SDCCAG8: variants seen among roughly 807,000 people sequenced by gnomAD.
The protein encoded by SDCCAG8 is SHH signaling and ciliogenesis regulator SDCCAG8.
In SDCCAG8, 74 loss-of-function variants were observed where a neutral mutation model predicts 101.8. That is an observed-to-expected ratio of 0.73 (90% CI 0.60 to 0.88). The LOEUF (loss-of-function observed/expected upper bound fraction) is 0.88. Among genes scored for constraint, SDCCAG8 ranks in the 40% least tolerant of loss-of-function variants. SDCCAG8 has a pLI of 0.00. For synonymous variants in SDCCAG8, 281 were observed against 292.9 expected (o/e 0.96, Z 0.41); for missense variants, 787 against 822.6 (o/e 0.96, Z 0.53).
At chr1:243,479,501 T>C (rs1663069939) in intron 16 of SDCCAG8, among the ~76,000 whole-genome samples, 1 of 152,260 alleles carries the variant, frequency 6.6e-6, no homozygotes, top group East Asian at 1.9e-4. Flanking sequence ...CGCTGCAAGT[T>C]GAATTTCATG....
intron 16 of SDCCAG8, among the ~76,000 whole-genome samples, chr1:243,434,463 T>C (rs2082006661): frequency 6.6e-6 from 1 of 152,252 alleles, no homozygotes; most frequent in African/African-American, 2.4e-5. Context: ...GAGATGTATA[T>C]GTTGCTAGAA....
chr1:243,425,947 G>A (rs762892555), intron 15 of SDCCAG8, among the ~76,000 whole-genome samples: 3 of 152,304 alleles, frequency 2.0e-5, no homozygotes, highest in East Asian at 1.9e-4. Context: ...CTGGCCAAAT[G>A]TCTGGGCACC....
rs1007802384 is a variant in SDCCAG8 at position 243,417,975 on chromosome 1, A to G, written c.1752A>G (p.Glu584=). The change falls in exon 15 of 18, where the codon GAA becomes GAG. Residue 584 remains glutamate (E), a synonymous_variant. Coordinates refer to ENST00000366541, the MANE Select transcript of SDCCAG8 (RefSeq NM_006642.5). ...GTTTATTGTTATTTCTAGAAAATGA[A>G]CAGTATTTGTTGCTGACCTCCCAGA... ...MEAQHDKTEN[E]QYLLLTSQNT... 4.9e-5 allele frequency: 78 copies of G among 1,606,338 alleles called. No individual in the cohort carries two copies. The highest frequency in any genetic ancestry group is 6.1e-5 in the Non-Finnish European group (71 of 1,173,266).
In SDCCAG8 at chr1:243,470,077, A is replaced by G. The variant is rs80180786; in HGVS notation, c.1986-18937A>G. Among the ~76,000 whole-genome samples, 67 of 152,214 alleles carry G rather than the reference A, an allele frequency of 4.4e-4. 1 individual carries two copies. The East Asian group carries it at 0.013, about 29-fold the overall frequency. On this transcript the variant is annotated intron_variant, in intron 16 of 17. Transcript: ENST00000366541. Reference sequence around the variant, plus strand: ...CATAGTTCCACACACAAGAAAAACCATGTCTGGTTAACAACACAAGGTCTA... The same window carrying G: ...CATAGTTCCACACACAAGAAAAACCGTGTCTGGTTAACAACACAAGGTCTA...
chr1:243,413,449 G>A (rs1283746050), intron 13 of SDCCAG8, among the ~76,000 whole-genome samples: 3 of 152,106 alleles, frequency 2.0e-5, no homozygotes, highest in Admixed American at 2.0e-4. Context: ...TAAGTGATCT[G>A]CCCACCTTGG....
At chr1:243,296,776 G>A (rs551687698) in intron 6 of SDCCAG8, among the ~76,000 whole-genome samples, 2 of 151,016 alleles carry the variant, frequency 1.3e-5, no homozygotes, top group East Asian at 2.0e-4. Flanking sequence ...CTCGTGATCC[G>A]CCCGCCTCGG....
chr1:243,260,321 A>G (rs1036120923), intron 1 of SDCCAG8, among the ~76,000 whole-genome samples: 3 of 152,216 alleles, frequency 2.0e-5, no homozygotes, highest in Non-Finnish European at 4.4e-5. Flanking sequence ...CTTGGCAGTA[A>G]GGTTAGGTGT....
At chr1:243,349,755 A>T (rs551219754) in intron 12 of SDCCAG8, among the ~76,000 whole-genome samples, 1 of 151,862 alleles carries the variant, frequency 6.6e-6, no homozygotes, top group East Asian at 1.9e-4. Context: ...GTATGATTTT[A>T]TATTTACAAT....
At chr1:243,366,783 G>T (rs1397714854) in intron 12 of SDCCAG8, among the ~76,000 whole-genome samples, 1 of 151,988 alleles carries the variant, frequency 6.6e-6, no homozygotes, top group Non-Finnish European at 1.5e-5. Context: ...AGTGAAGAGT[G>T]AAATAGCTTG....
chr1:243,303,962 A>G (rs2071816854), intron 6 of SDCCAG8, among the ~76,000 whole-genome samples: 1 of 152,158 alleles, frequency 6.6e-6, no homozygotes, highest in Admixed American at 6.5e-5. Context: ...AATCCCAGCT[A>G]CTTGGGTGGC....
intron 4 of SDCCAG8, among the ~76,000 whole-genome samples, chr1:243,280,674 A>T (rs2068953462): frequency 6.6e-6 from 1 of 152,000 alleles, no homozygotes; most frequent in Non-Finnish European, 1.5e-5. Context: ...TACTTCTTTG[A>T]TTCATGTGTG....
chr1:243,313,139 C>T (rs79666393), intron 8 of SDCCAG8, among the ~76,000 whole-genome samples: 6,713 of 152,228 alleles, frequency 0.044, 290 homozygotes, highest in African/African-American at 0.12. Flanking sequence ...GGATCATTGG[C>T]CTGCTCTGCA....
intron 9 of SDCCAG8, among the ~76,000 whole-genome samples, chr1:243,325,012 C>T (rs564399584): frequency 7.2e-5 from 11 of 152,330 alleles, no homozygotes; most frequent in Non-Finnish European, 1.5e-4. Flanking sequence ...TCCCCAGCCC[C>T]TTCTTGTTTG....
intron 8 of SDCCAG8, among the ~76,000 whole-genome samples, chr1:243,314,313 A>G (rs1203924700): frequency 1.3e-5 from 2 of 152,198 alleles, no homozygotes; most frequent in African/African-American, 4.8e-5. Flanking sequence ...AGACATCTGT[A>G]TATTGGAGTT....
intron 8 of SDCCAG8, among the ~76,000 whole-genome samples, chr1:243,308,748 T>G (rs759732961): frequency 1.3e-5 from 2 of 152,374 alleles, no homozygotes; most frequent in African/African-American, 4.8e-5. Context: ...GAAACAATTC[T>G]CTTCGTACAT....
chr1:243,473,557 A>G (rs1661666549), intron 16 of SDCCAG8, among the ~76,000 whole-genome samples: 1 of 152,170 alleles, frequency 6.6e-6, no homozygotes, highest in Admixed American at 6.5e-5. Flanking sequence ...AGTGTTTCTG[A>G]AGGAAAGAGT....
At chr1:243,361,483 A>G (rs780380629) in intron 12 of SDCCAG8, among the ~76,000 whole-genome samples, 71 of 152,346 alleles carry the variant, frequency 4.7e-4, no homozygotes, top group Non-Finnish European at 8.1e-4. Context: ...CCATTTAGCA[A>G]TTTGGAATGG....
chr1:243,470,481 C>CTT (rs374087282), intron 16 of SDCCAG8, among the ~76,000 whole-genome samples: 3 of 144,580 alleles, frequency 2.1e-5, no homozygotes, highest in Non-Finnish European at 3.1e-5. Flanking sequence ...TTTCCTTTTC[C>CTT]TTTTTTTTTT....
intron 10 of SDCCAG8, 71 bp downstream of exon 10, chr1:243,330,763 A>C: frequency 6.8e-7 from 1 of 1,475,738 alleles, no homozygotes; most frequent in Non-Finnish European, 9.4e-7. Flanking sequence ...ATGATTCCAT[A>C]GGCTGGAGTT....
Sources: gnomAD v4.1 joint callset for allele counts (sites outside exome capture counted in the v4.1 genomes callset) on GRCh38, gnomAD v4.1.1 for gene constraint, MANE v1.5 for transcripts, NCBI Gene and HGNC (gene_info 2026-07-23, HGNC 2026-07-21) for gene names.